The following CCDC142 variants were observed in gnomAD, a reference collection of about 807,000 sequenced individuals.
CCDC142 encodes coiled-coil domain-containing protein 142.
A neutral mutation model predicts 83.8 loss-of-function variants in CCDC142; 67 were observed. That is an observed-to-expected ratio of 0.80 (90% CI 0.66 to 0.98). The LOEUF is 0.98. Ranked by LOEUF, CCDC142 falls within the 50% of genes least tolerant of loss-of-function variation. The probability of loss-of-function intolerance (pLI) is 0.00; values close to 1 mark genes in which losing one functional copy is unlikely to be tolerated. For missense variants in CCDC142, 905 were observed against 946.8 expected (o/e 0.96, Z 0.58); for synonymous variants, 421 against 421.2 (o/e 1.00, Z 0.01).
chr2:74,480,754 G>T lies in CCDC142; in HGVS notation c.1503+15C>A. ...TAGGGTCTTACACTGCCACTGTTGA[G>T]GCCCCTGTTCTCACCTGGATCTGTG... On this transcript the variant is annotated intron_variant, in intron 5 of 8. Transcript: ENST00000393965. 1 of 1,584,284 alleles carries T rather than the reference G, an allele frequency of 6.3e-7. No individual in the cohort carries two copies. The highest frequency in any genetic ancestry group is 2.2e-5 in the East Asian group (1 of 44,464).
rs1238854963 is a variant in CCDC142, at chr2:74,482,546, G to A, written c.292C>T (p.Leu98=). ...AGGAGCTGCTCCCGCTCGCGATGCAGCCGCAGCAACACCGCCCGGAGACGC... is the reference window on the plus strand; with the variant it reads ...AGGAGCTGCTCCCGCTCGCGATGCAACCGCAGCAACACCGCCCGGAGACGC... ...LQRLRAVLLR[L]HREREQLLQA... is the part of the protein sequence containing the mutation. The change falls in exon 1 of 9, where the codon CTG becomes TTG. Residue 98 remains leucine, a synonymous_variant. Transcript: ENST00000393965. This position sits in a 1 kb window ranked among gnomAD's most constrained non-coding sequence, Gnocchi z 5.0. 1 of 1,597,232 alleles carries A rather than the reference G, an allele frequency of 6.3e-7. No individual in the cohort carries two copies. The highest frequency in any genetic ancestry group is 1.3e-5 in the African/African-American group (1 of 74,448).
In CCDC142 at chr2:74,482,334, C is replaced by T. The variant is rs1344695714; in HGVS notation, c.504G>A (p.Ala168=). ...ACTGGGCGGCTAGTCCGATGGGGCG[C>T]GCTAGCAGCAGCGGCTCGAGAGTCT... The part of the protein sequence containing the change: ...PGETLEPLLL[A]RPIGLAAQCL... The change falls in exon 1 of 9, where the codon GCG becomes GCA. Residue 168 remains alanine (A), a synonymous_variant. Transcript: ENST00000393965. This position sits in a 1 kb window ranked among gnomAD's most constrained non-coding sequence, Gnocchi z 5.0. 6.2e-7 allele frequency: 1 copy of T among 1,605,666 alleles called. No homozygotes were observed. Among genetic ancestry groups the T allele is most frequent in the East Asian group, 2.2e-5 (1 of 44,630 alleles).
At position 74,482,980 on chromosome 2, in the gene CCDC142, T is replaced by C. The variant is rs1002335268; in HGVS notation, c.-143A>G. The C allele has an allele frequency of 4.1e-5, 65 of 1,573,794 alleles. No individual in the cohort carries two copies. The highest frequency in any genetic ancestry group is 5.4e-5 in the Non-Finnish European group (62 of 1,146,728). On this transcript the variant is annotated 5_prime_UTR_variant, in exon 1 of 9. Coordinates refer to ENST00000393965, the MANE Select transcript of CCDC142 (RefSeq NM_001365575.2). This position sits in a 1 kb window ranked among gnomAD's most constrained non-coding sequence, Gnocchi z 5.0. ...GGGACCTTCATGGACTCTCTCGTGC[T>C]CCGTAATGGGAGGCTTCTGCCCCTA... is the stretch of plus-strand genomic sequence containing the variant.
Position 74,482,753 on chromosome 2 carries a change from C to T in CCDC142, c.85G>A (p.Glu29Lys). The change falls in exon 1 of 9, where the codon GAG becomes AAG. Residue 29 changes from glutamate (E) to lysine (K), a missense_variant. By Grantham distance (56) the Glu-to-Lys change is moderately conservative. Coordinates refer to ENST00000393965, the MANE Select transcript of CCDC142 (RefSeq NM_001365575.2). The surrounding 1 kb of genome is among the most constrained non-coding windows in gnomAD (Gnocchi z 5.0). ...LRAQPGGTGE[E>K]QWERSRTGGL... is the part of the protein sequence containing the mutation. Reference sequence around the variant, plus strand: ...CCCGTTCGACTTCTCTCCCACTGCTCCTCCCCAGTGCCCCCGGGTTGCGCC... The same window carrying T: ...CCCGTTCGACTTCTCTCCCACTGCTTCTCCCCAGTGCCCCCGGGTTGCGCC... 6.2e-7 allele frequency: 1 copy of T among 1,601,920 alleles called. No individual in the cohort carries two copies. The highest frequency in any genetic ancestry group is 8.5e-7 in the Non-Finnish European group (1 of 1,179,964).
chr2:74,482,284 T>C lies in CCDC142; in HGVS notation c.554A>G (p.Gln185Arg), dbSNP rs1025173478. The change falls in exon 1 of 9, where the codon CAG (glutamine) becomes CGG (arginine). Residue 185 changes from glutamine to arginine, a missense_variant. By Grantham distance (43) the Gln-to-Arg change is conservative. This residue lies in a region of CCDC142 where 591 missense variants were observed against 571.4 expected (regional missense o/e 1.03). Coordinates refer to ENST00000393965, the MANE Select transcript of CCDC142 (RefSeq NM_001365575.2). This position sits in a 1 kb window ranked among gnomAD's most constrained non-coding sequence, Gnocchi z 5.0. ...GGGCTCCCGGCCGAGAGCGCGAAGC[T>C]GCATCTCGATGACAGCCTCCAGGCA... The part of the protein sequence containing the change: ...AQCLEAVIEM[Q>R]LRALGREPAS... The C allele has an allele frequency of 3.1e-6, 5 of 1,612,242 alleles. No individual in the cohort carries two copies. Among genetic ancestry groups the C allele is most frequent in the Non-Finnish European group, 4.2e-6 (5 of 1,179,710 alleles).
In CCDC142 at chr2:74,474,486, C is replaced by G. The variant is rs188435383; in HGVS notation, c.*60G>C. ...TTCCTTAATATGCAATTCCAAATGTCTGGATTTTCCAGCTAGAGATGGGGA... is the reference window on the plus strand; with the variant it reads ...TTCCTTAATATGCAATTCCAAATGTGTGGATTTTCCAGCTAGAGATGGGGA... On this transcript the variant is annotated 3_prime_UTR_variant, in exon 9 of 9. Transcript: ENST00000393965. The G allele has an allele frequency of 3.0e-3, 4,631 of 1,518,454 alleles. 26 individuals carry two copies. The highest frequency in any genetic ancestry group is 0.019 in the South Asian group (1,441 of 76,618). 94.1% of individuals were successfully genotyped at this position (1,518,454 alleles called of 1,614,324 possible).
chr2:74,481,782 G>A, intron 1 of CCDC142, 35 bp downstream of exon 1: 1 of 1,580,880 alleles, frequency 6.3e-7, no homozygotes, highest in Non-Finnish European at 8.6e-7. Context: ...AGAGACCCCA[G>A]CCTTCCCAAA....
chr2:74,475,828 T>G (rs1672312338), intron 5 of CCDC142, 102 bp from the exon 6 acceptor site: 1 of 732,138 alleles, frequency 1.4e-6, no homozygotes, highest in African/African-American at 1.8e-5. Flanking sequence ...AACCCCAGAA[T>G]TGTTGCATAG....
In CCDC142 at chr2:74,481,986, G is replaced by A. The variant is rs553182820; in HGVS notation, c.852C>T (p.Gly284=). Residue 284 remains glycine, a synonymous_variant, in exon 1 of 9, where the codon GGC becomes GGT. Coordinates refer to ENST00000393965, the MANE Select transcript of CCDC142 (RefSeq NM_001365575.2). The part of the protein sequence containing the change: ...LLPGLLGLVG[G]VAGSASCGLG... ...GTCCACAGCTGGCTGAACCCGCCAC[G>A]CCCCCGACCAGGCCCAGCAGCCCTG... 4.3e-6 allele frequency: 7 copies of A among 1,613,776 alleles called. No individual in the cohort carries two copies. The African/African-American group carries it at 5.3e-5, about 12-fold the overall frequency.
intron 5 of CCDC142, among the ~76,000 whole-genome samples, chr2:74,476,112 G>A (rs571839870): frequency 7.0e-6 from 1 of 142,830 alleles, no homozygotes; most frequent in African/African-American, 2.7e-5. Flanking sequence ...CAGAGCATAT[G>A]CCAGAAAGAG....
rs775164819 is a variant in CCDC142, at chr2:74,482,537, C to T, written c.301G>A (p.Glu101Lys). The part of the protein sequence containing the change: ...LRAVLLRLHR[E>K]REQLLQARDC... ...CGGGCCTGGAGGAGCTGCTCCCGCT[C>T]GCGATGCAGCCGCAGCAACACCGCC... The change falls in exon 1 of 9, where the codon GAG becomes AAG. Residue 101 changes from glutamate to lysine, a missense_variant. By Grantham distance (56) the Glu-to-Lys change is moderately conservative. Around this residue, in one of 3 missense-constraint regions of CCDC142, gnomAD observed 591 missense variants for 571.4 expected, o/e 1.03. Transcript: ENST00000393965. The surrounding 1 kb of genome is among the most constrained non-coding windows in gnomAD (Gnocchi z 5.0). The T allele has an allele frequency of 3.1e-6, 5 of 1,590,088 alleles. No homozygotes were observed. The highest frequency in any genetic ancestry group is 4.3e-6 in the Non-Finnish European group (5 of 1,167,926).
In CCDC142 at chr2:74,481,352, A is replaced by C; in HGVS notation, c.1129T>G (p.Ser377Ala). The C allele has an allele frequency of 6.2e-7, 1 of 1,614,116 alleles. No homozygotes were observed. The highest frequency in any genetic ancestry group is 8.5e-7 in the Non-Finnish European group (1 of 1,180,012). ...AGGCTGCTCTGACCCCCAAGAGCTG[A>C]TCCCAAGGCCTGGCAGAAACCTGAG... ...WDQGFCQALGSALGGQSSLPT... is the reference protein window; with the variant it reads ...WDQGFCQALGAALGGQSSLPT... The change falls in exon 3 of 9, where the codon TCA (serine) becomes GCA (alanine). Residue 377 changes from serine (S) to alanine (A), a missense_variant. Ser to Ala is a moderately conservative substitution (Grantham distance 99). Around this residue, in one of 3 missense-constraint regions of CCDC142, gnomAD observed 591 missense variants for 571.4 expected, o/e 1.03. Transcript: ENST00000393965.
Position 74,474,268 on chromosome 2 carries a change from G to T in CCDC142, c.*278C>A. The T allele has an allele frequency of 4.2e-6, 1 of 239,186 alleles. No individual in the cohort carries two copies. Among genetic ancestry groups the T allele is most frequent in the Non-Finnish European group, 8.1e-6 (1 of 123,886 alleles). The allele number at this position is 239,186 out of a possible 1,614,324, so 14.8% of individuals were successfully genotyped here. The stretch of plus-strand genomic sequence containing the variant: ...CCGGCTAATTTTTTGTATTTTTAGT[G>T]GAAACAGGGTTTCACCGTGTTAGCC... On this transcript the variant is annotated 3_prime_UTR_variant, in exon 9 of 9. Coordinates refer to ENST00000393965, the MANE Select transcript of CCDC142 (RefSeq NM_001365575.2).
chr2:74,480,575 A>G (rs1054958868), intron 5 of CCDC142, among the ~76,000 whole-genome samples, 194 bp downstream of exon 5: 11 of 150,764 alleles, frequency 7.3e-5, no homozygotes, highest in Admixed American at 6.6e-4. Context: ...TGGGTGACAA[A>G]GTGAGACCCT....
Position 74,473,112 on chromosome 2 carries a change from GATT to G in CCDC142, c.*1431_*1433del, listed in dbSNP as rs1233325359. ...GGTAAACACCATTCAGGTAACTGAAGATTAAACGTAGTGAGCTCTGAATAGCCA... is the reference window on the plus strand; with the variant it reads ...GGTAAACACCATTCAGGTAACTGAAGAAACGTAGTGAGCTCTGAATAGCCA... On this transcript the variant is annotated 3_prime_UTR_variant, in exon 9 of 9. Coordinates refer to ENST00000393965, the MANE Select transcript of CCDC142 (RefSeq NM_001365575.2). The G allele has an allele frequency of 3.0e-5, 7 of 232,480 alleles. No homozygotes were observed. The highest frequency in any genetic ancestry group is 1.6e-4 in the African/African-American group (7 of 42,586). 14.4% of individuals were successfully genotyped at this position (232,480 alleles called of 1,614,324 possible).
At chr2:74,481,678 T>C in intron 1 of CCDC142, 139 bp downstream of exon 1, 1 of 1,375,538 alleles carries the variant, frequency 7.3e-7, no homozygotes, top group Non-Finnish European at 1.0e-6. Context: ...CCTTGAAAGC[T>C]CAGAAGCTAT....
At position 74,481,474 on chromosome 2, in the gene CCDC142, C is replaced by T. The variant is rs766843269; in HGVS notation, c.1086G>A (p.Ser362=). 2 of 1,614,006 alleles carry T rather than the reference C, an allele frequency of 1.2e-6. No individual in the cohort carries two copies. The highest frequency in any genetic ancestry group is 2.2e-5 in the East Asian group (1 of 44,896). Residue 362 remains serine, a synonymous_variant, in exon 2 of 9, where the codon TCG becomes TCA. Coordinates refer to ENST00000393965, the MANE Select transcript of CCDC142 (RefSeq NM_001365575.2). ...ASLCHRLLHQ[S]LIWSWDQGFC... is the part of the protein sequence containing the mutation. ...CACCTTGGTCCCAGCTCCAGATAAG[C>T]GACTGATGAAGTAGTCTGTGACACA...
intron 5 of CCDC142, among the ~76,000 whole-genome samples, chr2:74,479,420 A>G (rs1413656544): frequency 6.6e-6 from 1 of 152,256 alleles, no homozygotes; most frequent in East Asian, 1.9e-4. Flanking sequence ...AAGAAAAAGT[A>G]TAATGGCTTT....
Position 74,475,344 on chromosome 2 carries a change from A to T in CCDC142, c.1677T>A (p.Pro559=), listed in dbSNP as rs142462736. 4.7e-5 allele frequency: 76 copies of T among 1,612,696 alleles called. No individual in the cohort carries two copies. In the African/African-American group the frequency reaches 9.6e-4, roughly 20 times the overall value. ...GCAACCCTTGCAATCCTTGCAACAC[A>T]GGCTCCAGTACGGTGCGGACCACTA... ...AGLVVRTVLE[P]VLQGLQGLPP... The change falls in exon 7 of 9, where the codon CCT becomes CCA. Residue 559 remains proline (P), a synonymous_variant. Transcript: ENST00000393965.
Sources: allele counts gnomAD v4.1 joint callset (sites outside exome capture counted in the v4.1 genomes callset), GRCh38; gene constraint gnomAD v4.1.1; regional missense constraint gnomAD v4.1.1; non-coding constraint Gnocchi (gnomAD v3.1); transcripts MANE v1.5; gene names NCBI Gene and HGNC (gene_info 2026-07-23, HGNC 2026-07-21).